PLEKHH2: variants seen among roughly 807,000 people sequenced by gnomAD.
PLEKHH2 encodes pleckstrin homology domain-containing family H member 2.
Under a neutral mutation model 187.9 loss-of-function variants are expected in PLEKHH2, and 129 were observed. The ratio of observed to expected loss-of-function variants is 0.69; its 90% confidence interval spans 0.59 to 0.79. The LOEUF is 0.79. PLEKHH2 is among the 30% of genes least tolerant of loss of function. The probability of loss-of-function intolerance (pLI) is 0.00; values close to 1 mark genes in which losing one functional copy is unlikely to be tolerated. For synonymous variants in PLEKHH2, 686 were observed against 605.6 expected (o/e 1.13, Z -1.95); for missense variants, 2,076 against 1,751.2 (o/e 1.19, Z -3.31).
intron 3 of PLEKHH2, among the ~76,000 whole-genome samples, chr2:43,684,036 C>T (rs1668371757): frequency 6.6e-6 from 1 of 152,184 alleles, no homozygotes; most frequent in Non-Finnish European, 1.5e-5. Flanking sequence ...CCAACACTGA[C>T]ACATCATTGT....
At chr2:43,733,835 T>C (rs1671164533) in intron 19 of PLEKHH2, among the ~76,000 whole-genome samples, 1 of 152,186 alleles carries the variant, frequency 6.6e-6, no homozygotes, top group Non-Finnish European at 1.5e-5. Flanking sequence ...TTAAAATTTC[T>C]ATAATGGAAT....
At chr2:43,679,485 A>AT in intron 3 of PLEKHH2, 4 of 333,662 alleles carry the variant, frequency 1.2e-5, no homozygotes, top group African/African-American at 2.6e-5. Flanking sequence ...ATCAGGAATG[A>AT]TTTTTTCCCT....
intron 2 of PLEKHH2, among the ~76,000 whole-genome samples, chr2:43,676,637 G>T (rs1238429234): frequency 6.6e-6 from 1 of 152,104 alleles, no homozygotes; most frequent in African/African-American, 2.4e-5. Context: ...TCAGCACTGA[G>T]CCAAAAAGAA....
At chr2:43,752,039 G>A (rs1297083684) in intron 24 of PLEKHH2, among the ~76,000 whole-genome samples, 1 of 151,324 alleles carries the variant, frequency 6.6e-6, no homozygotes, top group African/African-American at 2.4e-5. Context: ...TAACCATTTG[G>A]TTCTTTTTCT....
intron 2 of PLEKHH2, among the ~76,000 whole-genome samples, chr2:43,666,347 A>G (rs969881020): frequency 1.1e-4 from 16 of 150,824 alleles, no homozygotes; most frequent in Admixed American, 5.3e-4. Flanking sequence ...CACGGTGCGC[A>G]CACCCACTGG....
At chr2:43,687,612 A>G (rs915415703) in intron 3 of PLEKHH2, among the ~76,000 whole-genome samples, 2 of 152,190 alleles carry the variant, frequency 1.3e-5, no homozygotes, top group East Asian at 1.9e-4. Flanking sequence ...CCAACAGTGT[A>G]TAAGTGTTCC....
intron 16 of PLEKHH2, among the ~76,000 whole-genome samples, chr2:43,725,196 G>A (rs1024783171): frequency 6.6e-6 from 1 of 152,126 alleles, no homozygotes; most frequent in Non-Finnish European, 1.5e-5. Flanking sequence ...GTCTCATTCC[G>A]TAACCACATA....
rs58736074 is a variant in PLEKHH2 at position 43,694,271 on chromosome 2, C to T, written c.337-160C>T. On this transcript the variant is annotated intron_variant, in intron 4 of 29. Transcript: ENST00000282406. ...CTTTGTGGTTTCTTATTGTATCTAC[C>T]GAATAATTTTTTCTTTTAAAAACCT... 8.4e-3 allele frequency among the ~76,000 whole-genome samples: 1,274 copies of T among 152,118 alleles called. 21 individuals carry two copies. The highest frequency in any genetic ancestry group is 0.03 in the African/African-American group (1,229 of 41,494).
intron 8 of PLEKHH2, among the ~76,000 whole-genome samples, chr2:43,701,350 C>A (rs377169298): frequency 6.6e-6 from 1 of 152,178 alleles, no homozygotes; most frequent in African/African-American, 2.4e-5. Context: ...TCCTTCTCAG[C>A]TTACCAATCA....
intron 1 of PLEKHH2, among the ~76,000 whole-genome samples, chr2:43,639,648 C>A (rs1703274740): frequency 1.5e-5 from 2 of 137,158 alleles, no homozygotes; most frequent in African/African-American, 5.6e-5. Context: ...ATGGATGTAC[C>A]ACTTTTTTTT....
intron 14 of PLEKHH2, chr2:43,711,482 A>T: frequency 1.0e-6 from 1 of 956,672 alleles, no homozygotes; most frequent in Non-Finnish European, 1.2e-6. Flanking sequence ...TATATGCAAG[A>T]TCTTCTTATT....
At chr2:43,695,774 A>T (rs1305547521) in intron 6 of PLEKHH2, among the ~76,000 whole-genome samples, 1 of 152,204 alleles carries the variant, frequency 6.6e-6, no homozygotes, top group East Asian at 1.9e-4. Context: ...AAGTCCAAGA[A>T]GACTTGAATT....
intron 3 of PLEKHH2, 62 bp from the exon 4 acceptor site, chr2:43,692,452 G>T: frequency 7.4e-7 from 1 of 1,349,836 alleles, no homozygotes; most frequent in Non-Finnish European, 1.0e-6. Context: ...TAAAATTCTA[G>T]GTTTAATACT....
Position 43,710,693 on chromosome 2 carries a change from G to C in PLEKHH2, c.2301+118G>C, listed in dbSNP as rs1015730876. ...CAGTGTTTCTTTATTCACTTTGGGG[G>C]GTTAGTTTGATGCCTTGGAAGTATG... On this transcript the variant is annotated intron_variant, in intron 14 of 29. Transcript: ENST00000282406. 8 of 1,465,868 alleles carry C rather than the reference G, an allele frequency of 5.5e-6. No homozygotes were observed. The African/African-American group carries it at 1.0e-4, about 19-fold the overall frequency. The allele number at this position is 1,465,868 out of a possible 1,614,324, so 90.8% of individuals were successfully genotyped here. A position where few individuals can be genotyped will look rare whatever the true frequency, so the allele number is the denominator to read the frequency against.
intron 2 of PLEKHH2, among the ~76,000 whole-genome samples, chr2:43,653,494 T>A (rs935830937): frequency 2.0e-5 from 3 of 152,164 alleles, no homozygotes; most frequent in East Asian, 3.9e-4. Context: ...ACATTCAAGG[T>A]CCCATGTAAC....
In PLEKHH2 at chr2:43,741,005, G is replaced by T. The variant is rs1440312657; in HGVS notation, c.3183G>T (p.Trp1061Cys). The stretch of plus-strand genomic sequence containing the variant: ...TCCTTCCCCATCATCCTTTCCTGTG[G>T]CTCCTCAGGCTTCACCTAAAGAGGA... Reference protein sequence around the residue: ...GLFLPHHPFLWLLRLHLKRNA... With the variant: ...GLFLPHHPFLCLLRLHLKRNA... The change falls in exon 21 of 30, where the codon TGG becomes TGT. Residue 1061 changes from tryptophan (W) to cysteine (C), a missense_variant. By Grantham distance (215) the Trp-to-Cys change is radical (BLOSUM62 -2). Transcript: ENST00000282406. 6.2e-7 allele frequency: 1 copy of T among 1,613,878 alleles called. No homozygotes were observed. The highest frequency in any genetic ancestry group is 2.2e-5 in the East Asian group (1 of 44,864).
chr2:43,746,971 A>G (rs1671804573), intron 24 of PLEKHH2, among the ~76,000 whole-genome samples: 1 of 149,330 alleles, frequency 6.7e-6, no homozygotes, highest in Admixed American at 6.7e-5. Flanking sequence ...CTCTGTCTCA[A>G]AAAAAAAAAA....
chr2:43,701,227 G>T (rs1669345166), intron 8 of PLEKHH2, among the ~76,000 whole-genome samples: 1 of 152,214 alleles, frequency 6.6e-6, no homozygotes, highest in Non-Finnish European at 1.5e-5. Flanking sequence ...CTGAAGCCAT[G>T]CCCCTCTAAA....
At chr2:43,739,236 A>G (rs1301703155) in intron 20 of PLEKHH2, among the ~76,000 whole-genome samples, 2 of 152,098 alleles carry the variant, frequency 1.3e-5, no homozygotes, top group African/African-American at 4.8e-5. Flanking sequence ...CTTTGAATTC[A>G]TTTTTAGAAT....
Sources: allele counts gnomAD v4.1 joint callset (sites outside exome capture counted in the v4.1 genomes callset), GRCh38; gene constraint gnomAD v4.1.1; transcripts MANE v1.5; gene names NCBI Gene and HGNC (gene_info 2026-07-23, HGNC 2026-07-21).